Variants in KCND2 observed in about 807,000 individuals in gnomAD.
KCND2 encodes the protein A-type voltage-gated potassium channel KCND2.
Under a neutral mutation model 54.4 loss-of-function variants are expected in KCND2, and 16 were observed. The observed-to-expected ratio is 0.29, with a 90% CI of 0.20 to 0.45. The LOEUF (loss-of-function observed/expected upper bound fraction) is 0.45, where lower values mean the gene tolerates loss of function less well. KCND2 is among the 20% of genes least tolerant of loss of function. The pLI is 1.00. For missense variants in KCND2, 486 were observed against 824.2 expected (o/e 0.59, Z 5.02); for synonymous variants, 317 against 310.7 (o/e 1.02, Z -0.21).
intron 1 of KCND2, among the ~76,000 whole-genome samples, chr7:120,484,736 G>C (rs970955149): frequency 1.4e-5 from 2 of 142,684 alleles, no homozygotes; most frequent in Non-Finnish European, 3.1e-5. Context: ...CACACACAAA[G>C]AATTTCTTGT....
chr7:120,538,743 C>G (rs1791942471), intron 1 of KCND2, among the ~76,000 whole-genome samples: 1 of 152,120 alleles, frequency 6.6e-6, no homozygotes, highest in African/African-American at 2.4e-5. Context: ...CTATAAAGAC[C>G]AGCCAAACCC....
chr7:120,327,486 G>A (rs1428471971), intron 1 of KCND2, among the ~76,000 whole-genome samples: 1 of 152,136 alleles, frequency 6.6e-6, no homozygotes, highest in Non-Finnish European at 1.5e-5. Flanking sequence ...ACTGTAAATA[G>A]GAGTATTCAT....
chr7:120,531,547 C>T (rs1470756322), intron 1 of KCND2, among the ~76,000 whole-genome samples: 1 of 152,086 alleles, frequency 6.6e-6, no homozygotes, highest in Non-Finnish European at 1.5e-5. Context: ...AGCTGCCACC[C>T]TTTATAGAGA....
chr7:120,485,937 G>A (rs1802687303), intron 1 of KCND2, among the ~76,000 whole-genome samples: 1 of 152,180 alleles, frequency 6.6e-6, no homozygotes. Context: ...ATAAATGCAT[G>A]AACAGGTCTG....
intron 1 of KCND2, among the ~76,000 whole-genome samples, chr7:120,511,076 A>G (rs1469300398): frequency 1.3e-5 from 2 of 149,088 alleles, no homozygotes; most frequent in South Asian, 4.3e-4. Flanking sequence ...CTAACTACTG[A>G]CTCCTTACCA....
intron 1 of KCND2, among the ~76,000 whole-genome samples, chr7:120,495,531 C>T (rs1008798984): frequency 6.6e-6 from 1 of 152,128 alleles, no homozygotes; most frequent in East Asian, 1.9e-4. Flanking sequence ...AATGGCTGAT[C>T]AACCTAATGC....
At chr7:120,398,368 CCTA>C (rs1293678734) in intron 1 of KCND2, among the ~76,000 whole-genome samples, 5 of 151,916 alleles carry the variant, frequency 3.3e-5, no homozygotes, top group African/African-American at 4.8e-5. Flanking sequence ...TTACTGAGCA[CCTA>C]CTATTTTCCA....
intron 1 of KCND2, among the ~76,000 whole-genome samples, chr7:120,384,825 C>A (rs916502812): frequency 6.6e-6 from 1 of 152,040 alleles, no homozygotes. Context: ...GCTGAGAAGG[C>A]TGGAAACAGC....
At chr7:120,526,035 C>T (rs1412793787) in intron 1 of KCND2, among the ~76,000 whole-genome samples, 1 of 152,062 alleles carries the variant, frequency 6.6e-6, no homozygotes, top group East Asian at 1.9e-4. Flanking sequence ...TGGGATTTTC[C>T]ACACTCGCCA....
chr7:120,420,011 A>G (rs1801588902), intron 1 of KCND2, among the ~76,000 whole-genome samples: 1 of 151,082 alleles, frequency 6.6e-6, no homozygotes, highest in Non-Finnish European at 1.5e-5. Flanking sequence ...AAAAAAAAAA[A>G]AGAAAGAAAA....
At chr7:120,614,933 GC>G (rs1793002771) in intron 1 of KCND2, among the ~76,000 whole-genome samples, 1 of 152,248 alleles carries the variant, frequency 6.6e-6, no homozygotes, top group South Asian at 2.1e-4. Context: ...TATCCCAGGA[GC>G]TTTTCTTTTC....
At chr7:120,330,287 T>TA (rs1345033066) in intron 1 of KCND2, among the ~76,000 whole-genome samples, 2 of 152,040 alleles carry the variant, frequency 1.3e-5, no homozygotes, top group African/African-American at 2.4e-5. Flanking sequence ...TGGCGCATAA[T>TA]AAAAAAAGTA....
At chr7:120,550,025 C>G (rs1260989773) in intron 1 of KCND2, among the ~76,000 whole-genome samples, 1 of 152,010 alleles carries the variant, frequency 6.6e-6, no homozygotes, top group African/African-American at 2.4e-5. Context: ...GCAATCTCCT[C>G]CAAGTGCAGA....
chr7:120,554,599 G>C (rs1325406304), intron 1 of KCND2, among the ~76,000 whole-genome samples: 1 of 151,908 alleles, frequency 6.6e-6, no homozygotes, highest in East Asian at 1.9e-4. Flanking sequence ...TAGTAGAGAC[G>C]GGGTTTCACC....
intron 1 of KCND2, among the ~76,000 whole-genome samples, chr7:120,634,951 A>G (rs1793285727): frequency 6.6e-6 from 1 of 152,146 alleles, no homozygotes; most frequent in South Asian, 2.1e-4. Context: ...CATCTCAGCT[A>G]CATCATGCTG....
chr7:120,682,862 G>T (rs891694290), intron 1 of KCND2, among the ~76,000 whole-genome samples: 1 of 152,072 alleles, frequency 6.6e-6, no homozygotes, highest in African/African-American at 2.4e-5. Flanking sequence ...CCACATTTCT[G>T]CTCTGCCATT....
At chr7:120,281,997 C>T (rs62470464) in intron 1 of KCND2, among the ~76,000 whole-genome samples, 1 of 152,088 alleles carries the variant, frequency 6.6e-6, no homozygotes, top group Admixed American at 6.6e-5. Flanking sequence ...CTTTTTCATC[C>T]ATAACTAACT....
intron 1 of KCND2, among the ~76,000 whole-genome samples, chr7:120,529,555 G>A (rs1477010894): frequency 6.6e-6 from 1 of 152,182 alleles, no homozygotes; most frequent in East Asian, 1.9e-4. Context: ...GTCACACTCT[G>A]CCATCGGGAT....
chr7:120,423,583 C>G (rs1310941017), intron 1 of KCND2, among the ~76,000 whole-genome samples: 2 of 152,188 alleles, frequency 1.3e-5, no homozygotes, highest in African/African-American at 4.8e-5. Context: ...TGTATCGTGT[C>G]TCTGAATGGT....
Sources: gnomAD v4.1 joint callset for allele counts (sites outside exome capture counted in the v4.1 genomes callset) on GRCh38, gnomAD v4.1.1 for gene constraint, MANE v1.5 for transcripts, NCBI Gene and HGNC (gene_info 2026-07-23, HGNC 2026-07-21) for gene names.